Variants in PIGQ observed in about 807,000 individuals in gnomAD.
The protein encoded by PIGQ is phosphatidylinositol N-acetylglucosaminyltransferase subunit Q.
PIGQ carries 54 observed loss-of-function variants against 60.3 expected under a neutral mutation model. The ratio of observed to expected loss-of-function variants is 0.90; its 90% CI spans 0.72 to 1.12. The LOEUF (loss-of-function observed/expected upper bound fraction) is 1.12. Ranked by LOEUF, PIGQ falls within the 50% of genes most tolerant of loss-of-function variation. The pLI, the probability that PIGQ is intolerant of heterozygous loss-of-function variation, is 0.00. For missense variants in PIGQ, 799 were observed against 793.5 expected (o/e 1.01, Z -0.08); for synonymous variants, 416 against 363.7 (o/e 1.14, Z -1.64).
Position 583,727 on chromosome 16 carries a change from C to G in PIGQ, c.*692C>G. The G allele has an allele frequency of 7.0e-7, 1 of 1,433,316 alleles. No homozygotes were observed. Among genetic ancestry groups the G allele is most frequent in the Non-Finnish European group, 9.7e-7 (1 of 1,027,158 alleles). The allele number at this position is 1,433,316 out of a possible 1,614,324, so 88.8% of individuals were successfully genotyped here. ...GGCCCGCCCACTGACCCAGCCGTAC[C>G]TATTCGTCCACGGTGCCCCGTAGCA... On this transcript the variant is annotated 3_prime_UTR_variant, in exon 11 of 11. Transcript: ENST00000321878.
intron 4 of PIGQ, among the ~76,000 whole-genome samples, chr16:577,440 G>C (rs567660232): frequency 5.3e-5 from 8 of 152,090 alleles, no homozygotes; most frequent in South Asian, 4.1e-4. Flanking sequence ...AGCCAGGTAT[G>C]GTGGTGGGCA....
intron 1 of PIGQ, among the ~76,000 whole-genome samples, chr16:571,216 GTGTC>G (rs1829972531): frequency 1.4e-5 from 1 of 69,942 alleles, no homozygotes; most frequent in Non-Finnish European, 2.9e-5. Context: ...TAGCCTGTGT[GTGTC>G]TGGTTAGCCT....
chr16:580,622 T>C (rs1350868563), intron 8 of PIGQ: 5 of 576,104 alleles, frequency 8.7e-6, no homozygotes, highest in African/African-American at 5.6e-5. Flanking sequence ...CCCCTCTGCA[T>C]GTGAGGCTGT....
At chr16:573,465 C>T (rs2035666130) in intron 1 of PIGQ, among the ~76,000 whole-genome samples, 1 of 152,164 alleles carries the variant, frequency 6.6e-6, no homozygotes, top group African/African-American at 2.4e-5. Context: ...CCTTCCTGCC[C>T]CCAGGGAGGG....
At chr16:577,572 G>A (rs974521018) in intron 4 of PIGQ, among the ~76,000 whole-genome samples, 13 of 130,504 alleles carry the variant, frequency 1.0e-4, no homozygotes, top group Non-Finnish European at 1.8e-4. Flanking sequence ...ACAAGACTCC[G>A]TCTCAGAAAA....
At chr16:578,645 G>A in intron 5 of PIGQ, 140 bp downstream of exon 5, 1 of 1,403,558 alleles carries the variant, frequency 7.1e-7, no homozygotes, top group Non-Finnish European at 9.8e-7. Flanking sequence ...GCTCAGCTGA[G>A]GGCTGGGGCC....
chr16:572,404 G>T (rs759070840), intron 1 of PIGQ: 7 of 417,196 alleles, frequency 1.7e-5, no homozygotes, highest in Non-Finnish European at 3.4e-5. Context: ...TCCAGCCCCA[G>T]TGCGGGCTGC....
At position 582,295 on chromosome 16, in the gene PIGQ, C is replaced by G. The variant is rs201414474; in HGVS notation, c.1579C>G (p.Arg527Gly). 1.2e-6 allele frequency: 2 copies of G among 1,601,548 alleles called. No homozygotes were observed. Among genetic ancestry groups the G allele is most frequent in the East Asian group, 4.5e-5 (2 of 44,492 alleles). The stretch of plus-strand genomic sequence containing the variant: ...CCGGCACGAGGCCGGCAGGCCCCTC[C>G]GCCTCCTGATGCAGGTGAGGCCCCT... ...VLRHEAGRPL[R>G]LLMQINPLPY... The change falls in exon 10 of 11, where the codon CGC (arginine) becomes GGC (glycine). Residue 527 changes from arginine (R) to glycine (G), a missense_variant. Coordinates refer to ENST00000321878, the MANE Select transcript of PIGQ (RefSeq NM_004204.5).
chr16:572,913 C>T (rs1282508966), intron 1 of PIGQ, among the ~76,000 whole-genome samples: 1 of 152,248 alleles, frequency 6.6e-6, no homozygotes, highest in Non-Finnish European at 1.5e-5. Context: ...AGTGTGGCTC[C>T]AGCGTGGGGG....
chr16:580,564 A>C (rs1273975878), intron 8 of PIGQ: 1 of 551,884 alleles, frequency 1.8e-6, no homozygotes, highest in East Asian at 2.9e-5. Context: ...AGACAGTGGG[A>C]GGTGAGCAGA....
chr16:580,277 C>T lies in PIGQ; in HGVS notation c.1416+14C>T. On this transcript the variant is annotated intron_variant, in intron 8 of 10. Transcript: ENST00000321878. ...GTGTTCACCCTGGTGAGCTGAGCAC[C>T]CACAGGCTGGGCCTGGCTGCAGTGC... 6.3e-7 allele frequency: 1 copy of T among 1,594,362 alleles called. No individual in the cohort carries two copies. The highest frequency in any genetic ancestry group is 2.2e-5 in the East Asian group (1 of 44,696).
intron 5 of PIGQ, 118 bp from the exon 6 acceptor site, chr16:578,667 C>T (rs1236615569): frequency 1.4e-5 from 20 of 1,432,174 alleles, no homozygotes; most frequent in East Asian, 2.3e-5. Flanking sequence ...GGGCACCTCC[C>T]GAGGGCTGAC....
In PIGQ at chr16:574,460, T is replaced by C; in HGVS notation, c.386T>C (p.Ile129Thr). The change falls in exon 2 of 11, where the codon ATC becomes ACC. Residue 129 changes from isoleucine (I) to threonine (T), a missense_variant. Physicochemically the swap from Ile to Thr is moderately conservative, Grantham distance 89. Coordinates refer to ENST00000321878, the MANE Select transcript of PIGQ (RefSeq NM_004204.5). Reference sequence around the variant, plus strand: ...CCTGGTGAGGACCAGGTCATGCTCATCTTCTATGACCAGCGCCAGGTGTTG... The same window carrying C: ...CCTGGTGAGGACCAGGTCATGCTCACCTTCTATGACCAGCGCCAGGTGTTG... ...GAPGEDQVML[I>T]FYDQRQVLLS... The C allele has an allele frequency of 1.2e-6, 2 of 1,610,900 alleles. No individual in the cohort carries two copies. Among genetic ancestry groups the C allele is most frequent in the Non-Finnish European group, 1.7e-6 (2 of 1,179,234 alleles).
chr16:572,208 C>T (rs2035641950), intron 1 of PIGQ, among the ~76,000 whole-genome samples: 1 of 152,232 alleles, frequency 6.6e-6, no homozygotes, highest in Non-Finnish European at 1.5e-5. Flanking sequence ...ACGCTGGGCC[C>T]CTTGCAGGCA....
rs753705578 is a variant in PIGQ at position 574,231 on chromosome 16, C to T, written c.157C>T (p.Arg53Trp). 7.4e-6 allele frequency: 12 copies of T among 1,610,956 alleles called. No homozygotes were observed. The highest frequency in any genetic ancestry group is 3.3e-5 in the South Asian group (3 of 91,052). ...GGTCAAGCAGCTCCTGGCCCAGGTGCGGCAGGCCAGCCAGGTGGGCGTGGC... is the reference window on the plus strand; with the variant it reads ...GGTCAAGCAGCTCCTGGCCCAGGTGTGGCAGGCCAGCCAGGTGGGCGTGGC... ...IQVKQLLAQV[R>W]QASQVGVAVL... The change falls in exon 2 of 11, where the codon CGG becomes TGG. Residue 53 changes from arginine (R) to tryptophan (W), a missense_variant. Transcript: ENST00000321878.
In PIGQ at chr16:580,173, C is replaced by T. The variant is rs758091664; in HGVS notation, c.1336-10C>T. 6.2e-7 allele frequency: 1 copy of T among 1,606,990 alleles called. No individual in the cohort carries two copies. Among genetic ancestry groups the T allele is most frequent in the East Asian group, 2.2e-5 (1 of 44,758 alleles). ...CTGCTGATGCCCGGTGTGCTGGCCCCTCCCTACAGCTGTTCATCGGGACTC... is the reference window on the plus strand; with the variant it reads ...CTGCTGATGCCCGGTGTGCTGGCCCTTCCCTACAGCTGTTCATCGGGACTC... On this transcript the variant is annotated splice_polypyrimidine_tract_variant and intron_variant, in intron 7 of 10. Coordinates refer to ENST00000321878, the MANE Select transcript of PIGQ (RefSeq NM_004204.5).
Position 574,591 on chromosome 16 carries a change from G to A in PIGQ, c.517G>A (p.Glu173Lys), listed in dbSNP as rs752760525. 19 of 1,605,044 alleles carry A rather than the reference G, an allele frequency of 1.2e-5. No individual in the cohort carries two copies. The highest frequency in any genetic ancestry group is 2.2e-5 in the East Asian group (1 of 44,548). The change falls in exon 2 of 11, where the codon GAG becomes AAG. Residue 173 changes from glutamate (E) to lysine (K), a missense_variant. By Grantham distance (56) the Glu-to-Lys change is moderately conservative. Transcript: ENST00000321878. ...AAVFDTVARS[E>K]VLFRSDRFDE... Reference sequence around the variant, plus strand: ...CGTCTTCGACACGGTAGCACGCAGTGAGGTGCTCTTCCGCAGTGACCGCTT... The same window carrying A: ...CGTCTTCGACACGGTAGCACGCAGTAAGGTGCTCTTCCGCAGTGACCGCTT...
At chr16:580,319 C>T (rs2035791665) in intron 8 of PIGQ, 56 bp downstream of exon 8, 3 of 1,375,682 alleles carry the variant, frequency 2.2e-6, no homozygotes, top group Admixed American at 1.8e-5. Context: ...TGGCTTCTGC[C>T]AGCGCTGCCT....
intron 9 of PIGQ, among the ~76,000 whole-genome samples, chr16:581,509 C>T (rs2035808909): frequency 6.6e-6 from 1 of 151,830 alleles, no homozygotes; most frequent in Non-Finnish European, 1.5e-5. Flanking sequence ...GTCGCCCAGG[C>T]TGGAGTGCAA....
Sources: gnomAD v4.1 joint callset for allele counts (sites outside exome capture counted in the v4.1 genomes callset) on GRCh38, gnomAD v4.1.1 for gene constraint, MANE v1.5 for transcripts, NCBI Gene and HGNC (gene_info 2026-07-23, HGNC 2026-07-21) for gene names.